The following TIAM1 variants were observed in gnomAD, a reference collection of about 807,000 sequenced individuals.
The protein encoded by TIAM1 is TIAM Rac1 associated GEF 1.
Under a neutral mutation model 163.5 loss-of-function variants are expected in TIAM1, and 65 were observed. That is an observed-to-expected ratio of 0.40 (90% CI 0.33 to 0.49). The LOEUF is 0.49. Among genes scored for constraint, TIAM1 ranks in the 20% least tolerant of loss-of-function variants. The pLI is 0.77. For missense variants in TIAM1, 1,789 were observed against 2,044.7 expected (o/e 0.87, Z 2.41); for synonymous variants, 833 against 810.1 (o/e 1.03, Z -0.48).
chr21:31,460,519 C>T (rs756350030), intron 2 of TIAM1, among the ~76,000 whole-genome samples: 8 of 152,138 alleles, frequency 5.3e-5, no homozygotes, highest in Admixed American at 3.3e-4. Flanking sequence ...CCCAGCTACT[C>T]GAGAGGCTGA....
chr21:31,336,761 C>G (rs796121764), intron 2 of TIAM1, among the ~76,000 whole-genome samples: 115 of 152,054 alleles, frequency 7.6e-4, no homozygotes, highest in African/African-American at 2.7e-3. Flanking sequence ...CTGGGGCAGT[C>G]CAGAAAGACA....
chr21:31,533,952 G>A (rs1057017574), intron 1 of TIAM1, among the ~76,000 whole-genome samples: 2 of 152,092 alleles, frequency 1.3e-5, no homozygotes, highest in South Asian at 2.1e-4. Context: ...CGAGGGATTC[G>A]GGATCTCTTA....
intron 2 of TIAM1, among the ~76,000 whole-genome samples, chr21:31,321,287 G>C (rs1408090539): frequency 2.6e-5 from 4 of 152,100 alleles, no homozygotes; most frequent in Non-Finnish European, 4.4e-5. Flanking sequence ...CATAATCTGA[G>C]GCCGGTCCAC....
At chr21:31,518,234 A>G (rs920396799) in intron 1 of TIAM1, among the ~76,000 whole-genome samples, 4 of 151,998 alleles carry the variant, frequency 2.6e-5, no homozygotes, top group African/African-American at 9.7e-5. Flanking sequence ...CTCATTTGGG[A>G]CTTCTGGTCT....
chr21:31,416,107 G>A (rs147543280), intron 2 of TIAM1, among the ~76,000 whole-genome samples: 5 of 151,830 alleles, frequency 3.3e-5, no homozygotes, highest in Non-Finnish European at 5.9e-5. Context: ...CCTCCATAAC[G>A]TGACGCCAGT....
chr21:31,330,747 G>A (rs184166489), intron 2 of TIAM1, among the ~76,000 whole-genome samples: 150 of 152,262 alleles, frequency 9.9e-4, no homozygotes, highest in African/African-American at 3.3e-3. Flanking sequence ...GAGACACACC[G>A]AAAGAGAAAT....
intron 2 of TIAM1, among the ~76,000 whole-genome samples, chr21:31,365,845 G>A (rs1400917188): frequency 6.6e-6 from 1 of 151,586 alleles, no homozygotes; most frequent in African/African-American, 2.4e-5. Context: ...GCTTATGCCT[G>A]TAATCCCGGC....
At chr21:31,125,487 CT>C (rs1309319456) in intron 26 of TIAM1, among the ~76,000 whole-genome samples, 2 of 152,206 alleles carry the variant, frequency 1.3e-5, no homozygotes, top group African/African-American at 4.8e-5. Flanking sequence ...GGGGATCTGC[CT>C]TTTGTTGACC....
At chr21:31,240,686 G>C (rs2071121322) in intron 6 of TIAM1, among the ~76,000 whole-genome samples, 1 of 152,130 alleles carries the variant, frequency 6.6e-6, no homozygotes, top group Non-Finnish European at 1.5e-5. Context: ...CACTCCAGGG[G>C]GTGCTTGTGA....
chr21:31,120,789 C>T lies in TIAM1; in HGVS notation c.4355G>A (p.Arg1452Gln), dbSNP rs2081973121. Residue 1452 changes from arginine to glutamine, a missense_variant, in exon 28 of 28, where the codon CGA (arginine) becomes CAA (glutamine). Physicochemically the swap from Arg to Gln is conservative, Grantham distance 43. Around this residue, in one of 5 missense-constraint regions of TIAM1, gnomAD observed 415 missense variants for 439.2 expected, o/e 0.94. Transcript: ENST00000541036. This position sits in a 1 kb window ranked among gnomAD's most constrained non-coding sequence, Gnocchi z 4.2. ...ATCAGAATCAATGGTAAACCTGTTT[C>T]GAGCCAGCCGCCGCCTCCTCCTCCC... ...SLGRRRRRLA[R>Q]NRFTIDSDAV... The T allele has an allele frequency of 5.6e-6, 9 of 1,613,650 alleles. No individual in the cohort carries two copies. Among genetic ancestry groups the T allele is most frequent in the African/African-American group, 4.0e-5 (3 of 74,894 alleles).
intron 6 of TIAM1, among the ~76,000 whole-genome samples, chr21:31,227,390 G>A (rs922484654): frequency 2.0e-5 from 3 of 152,160 alleles, no homozygotes; most frequent in African/African-American, 7.2e-5. Context: ...TTCCACAGAA[G>A]AAACAGCATC....
At chr21:31,241,041 G>A (rs2071145729) in intron 6 of TIAM1, among the ~76,000 whole-genome samples, 2 of 152,144 alleles carry the variant, frequency 1.3e-5, no homozygotes, top group Admixed American at 1.3e-4. Flanking sequence ...GAGTTCCCCT[G>A]CACATGCTCT....
Position 31,421,431 on chromosome 21 carries a change from C to T in TIAM1, c.-369+42552G>A, listed in dbSNP as rs8127485. Among the ~76,000 whole-genome samples the T allele has an allele frequency of 5.8e-3, 887 of 152,258 alleles. 11 individuals are homozygous for T. Among genetic ancestry groups the T allele is most frequent in the African/African-American group, 0.02 (814 of 41,562 alleles). On this transcript the variant is annotated intron_variant, in intron 2 of 28. Coordinates refer to the TIAM1 transcript ENST00000286827. The stretch of plus-strand genomic sequence containing the variant: ...GCTGGGCCACACAGCAGGAGGTGGG[C>T]AGTGGGCAAGCGGGTGAGCATTACC...
intron 23 of TIAM1, among the ~76,000 whole-genome samples, chr21:31,132,256 G>C (rs1212670769): frequency 6.6e-6 from 1 of 152,148 alleles, no homozygotes; most frequent in Non-Finnish European, 1.5e-5. Context: ...CTTTGTGTAA[G>C]ATCATGCTAA....
rs182932461 is a variant in TIAM1, at chr21:31,308,029, C to T, written c.-188-31121G>A. On this transcript the variant is annotated intron_variant, in intron 2 of 27. Transcript: ENST00000541036. ...AGGCAGATCACTTGAGAAACGAAAT[C>T]GGAATCCCTGTCAGGGTTCAAGACC... Among the ~76,000 whole-genome samples, 223 of 152,196 alleles carry T rather than the reference C, an allele frequency of 1.5e-3. 1 individual carries two copies. The highest frequency in any genetic ancestry group is 5.2e-3 in the African/African-American group (214 of 41,522).
chr21:31,361,673 A>G (rs893135432), intron 2 of TIAM1, among the ~76,000 whole-genome samples: 1 of 152,214 alleles, frequency 6.6e-6, no homozygotes, highest in African/African-American at 2.4e-5. Flanking sequence ...AATCTTGTAT[A>G]AATATCACTG....
Position 31,147,720 on chromosome 21 carries a change from A to G in TIAM1, c.3367-717T>C, listed in dbSNP as rs2083191829. 2.8e-5 allele frequency among the ~76,000 whole-genome samples: 4 copies of G among 144,438 alleles called. 1 individual carries two copies. The South Asian group carries it at 8.4e-4, about 30-fold the overall frequency. The allele number at this position is 144,438 out of a possible 152,430, so 94.8% of individuals were successfully genotyped here. ...ATAAAATATATATTTTATATAATAT[A>G]TAAAATATATAATATATAAAAATAT... is the stretch of plus-strand genomic sequence containing the variant. On this transcript the variant is annotated intron_variant, in intron 19 of 27. Coordinates refer to ENST00000541036, the MANE Select transcript of TIAM1 (RefSeq NM_001353694.2).
chr21:31,181,173 C>T (rs1182441713), intron 15 of TIAM1, among the ~76,000 whole-genome samples: 1 of 152,180 alleles, frequency 6.6e-6, no homozygotes, highest in Non-Finnish European at 1.5e-5. Context: ...GTAATCTATG[C>T]TGTTCATCTG....
intron 26 of TIAM1, 111 bp from the exon 27 acceptor site, chr21:31,124,805 A>C: frequency 1.1e-6 from 1 of 930,044 alleles, no homozygotes; most frequent in Non-Finnish European, 1.5e-6. Flanking sequence ...AAGGCTAAAG[A>C]CTGAGGCCTT....
Sources: allele counts gnomAD v4.1 joint callset (sites outside exome capture counted in the v4.1 genomes callset), GRCh38; gene constraint gnomAD v4.1.1; regional missense constraint gnomAD v4.1.1; non-coding constraint Gnocchi (gnomAD v3.1); transcripts MANE v1.5; gene names NCBI Gene and HGNC (gene_info 2026-07-23, HGNC 2026-07-21).